ASIC4: variants seen among roughly 807,000 people sequenced by gnomAD.
ASIC4 encodes acid-sensing ion channel 4.
In ASIC4, 28 loss-of-function variants were observed where a neutral mutation model predicts 53.4. The observed-to-expected ratio is 0.52, with a 90% confidence interval of 0.39 to 0.72. The LOEUF is 0.72. ASIC4 is among the 30% of genes least tolerant of loss of function. The pLI, the probability that ASIC4 is intolerant of heterozygous loss-of-function variation, is 0.00. For synonymous variants in ASIC4, 289 were observed against 301.4 expected (o/e 0.96, Z 0.43); for missense variants, 649 against 729.7 (o/e 0.89, Z 1.27).
rs776034447 is a variant in ASIC4 at position 219,536,215 on chromosome 2, AC to A, written c.1230-850del. Among the ~76,000 whole-genome samples the A allele has an allele frequency of 4.6e-5, 7 of 152,206 alleles. No individual in the cohort carries two copies. The highest frequency in any genetic ancestry group is 7.3e-5 in the Non-Finnish European group (5 of 68,038). The stretch of plus-strand genomic sequence containing the variant: ...AGATCTCTGTCATTACACATATGCC[AC>A]ATTTCAGAGTGCTTTGCTTATGCAT... On this transcript the variant is annotated intron_variant, in intron 6 of 9. Coordinates refer to ENST00000358078, the MANE Select transcript of ASIC4 (RefSeq NM_018674.6). The surrounding 1 kb of genome is among the most constrained non-coding windows in gnomAD (Gnocchi z 4.6).
upstream of ASIC4, among the ~76,000 whole-genome samples, chr2:219,512,836 G>T (rs887037976): frequency 6.6e-6 from 1 of 152,242 alleles, no homozygotes; most frequent in Non-Finnish European, 1.5e-5. Context: ...AAGCCACTTT[G>T]CCTAAAGGCT....
chr2:219,519,805 T>A (rs1694857710), intron 1 of ASIC4, among the ~76,000 whole-genome samples: 1 of 151,832 alleles, frequency 6.6e-6, no homozygotes, highest in African/African-American at 2.4e-5. Context: ...ATATAAAGGG[T>A]AGCTGCGGGC....
At chr2:219,524,634 A>G (rs367966280) in intron 1 of ASIC4, among the ~76,000 whole-genome samples, 10 of 152,246 alleles carry the variant, frequency 6.6e-5, no homozygotes, top group African/African-American at 2.4e-4. Context: ...GCCATTTTAC[A>G]GATGAAAAAT....
rs1695171578 is a variant in ASIC4 at position 219,537,886 on chromosome 2, C to T, written c.1507-47C>T. The T allele has an allele frequency of 2.0e-6, 3 of 1,521,744 alleles. No homozygotes were observed. The highest frequency in any genetic ancestry group is 2.7e-6 in the Non-Finnish European group (3 of 1,115,864). 94.3% of individuals were successfully genotyped at this position (1,521,744 alleles called of 1,614,324 possible). A position where few individuals can be genotyped will look rare whatever the true frequency, so the allele number is the denominator to read the frequency against. ...GCTGGCGGTGTGAGCCCTGGGGGCACCACTTGAGCTCTCCCGGTCCCACTC... is the reference window on the plus strand; with the variant it reads ...GCTGGCGGTGTGAGCCCTGGGGGCATCACTTGAGCTCTCCCGGTCCCACTC... On this transcript the variant is annotated intron_variant, in intron 9 of 9. Coordinates refer to ENST00000358078, the MANE Select transcript of ASIC4 (RefSeq NM_018674.6). The surrounding 1 kb of genome is among the most constrained non-coding windows in gnomAD (Gnocchi z 4.9).
chr2:219,537,936 C>T lies in ASIC4; in HGVS notation c.1510C>T (p.Pro504Ser). The T allele has an allele frequency of 6.2e-7, 1 of 1,605,870 alleles. No individual in the cohort carries two copies. Among genetic ancestry groups the T allele is most frequent in the Non-Finnish European group, 8.5e-7 (1 of 1,175,870 alleles). ...CTCTCTTTTCTTTCTCCTGCAGAGTCCCTGCCCGAGCCGGGGCCGAGTGGA... is the reference window on the plus strand; with the variant it reads ...CTCTCTTTTCTTTCTCCTGCAGAGTTCCTGCCCGAGCCGGGGCCGAGTGGA... ...LGLQELKEQSPCPSRGRVEGG... is the reference protein window; with the variant it reads ...LGLQELKEQSSCPSRGRVEGG... The change falls in exon 10 of 10, where the codon CCC (proline) becomes TCC (serine). Residue 504 changes from proline to serine, a missense_variant. By Grantham distance (74) the Pro-to-Ser change is moderately conservative. Coordinates refer to ENST00000358078, the MANE Select transcript of ASIC4 (RefSeq NM_018674.6). The surrounding 1 kb of genome is among the most constrained non-coding windows in gnomAD (Gnocchi z 4.9).
Position 219,518,083 on chromosome 2 carries a change from ATCAG to A in ASIC4, c.582+2785_582+2788del, listed in dbSNP as rs1395988988. On this transcript the variant is annotated intron_variant, in intron 1 of 9. Transcript: ENST00000358078. The surrounding 1 kb of genome is among the most constrained non-coding windows in gnomAD (Gnocchi z 4.8). ...CCTAATATCCCTTCATGCACTCCCA[ATCAG>A]TCAGTCAATCAATCAACATGGAGTT... 1.3e-5 allele frequency among the ~76,000 whole-genome samples: 2 copies of A among 152,030 alleles called. No homozygotes were observed. The highest frequency in any genetic ancestry group is 6.6e-5 in the Admixed American group (1 of 15,266).
At chr2:219,535,117 C>T (rs1695106295) in intron 5 of ASIC4, 54 bp from the exon 6 acceptor site, 1 of 1,567,910 alleles carries the variant, frequency 6.4e-7, no homozygotes, top group Non-Finnish European at 8.6e-7. Flanking sequence ...AGCTGGTGGG[C>T]CACTGGACCA....
rs928612320 is a variant in ASIC4, at chr2:219,532,681, T to G, written c.1019-202T>G. The G allele has an allele frequency of 8.4e-6, 7 of 830,888 alleles. No individual in the cohort carries two copies. The Admixed American group carries it at 8.5e-5, about 10-fold the overall frequency. The allele number at this position is 830,888 out of a possible 1,614,324, so 51.5% of individuals were successfully genotyped here. Reference sequence around the variant, plus strand: ...GAATGCCGGCATGCAGATGCCTGTGTGCATGTTAATATGTATTTGTGTACG... The same window carrying G: ...GAATGCCGGCATGCAGATGCCTGTGGGCATGTTAATATGTATTTGTGTACG... On this transcript the variant is annotated intron_variant, in intron 4 of 9. Transcript: ENST00000358078.
Position 219,514,955 on chromosome 2 carries a change from G to A in ASIC4, c.231G>A (p.Ser77=), listed in dbSNP as rs748721762. The A allele has an allele frequency of 9.9e-6, 16 of 1,613,004 alleles. No homozygotes were observed. The Admixed American group carries it at 1.3e-4, about 13-fold the overall frequency. ...RTLWALALLT[S]LAAFLYQAAG... The stretch of plus-strand genomic sequence containing the variant: ...TGTGGGCACTGGCCCTACTCACCTC[G>A]CTGGCTGCCTTCCTGTACCAGGCGG... The change falls in exon 1 of 10, where the codon TCG becomes TCA. Residue 77 remains serine, a synonymous_variant. Transcript: ENST00000358078.
rs781507161 is a variant in ASIC4 at position 219,535,341 on chromosome 2, G to A, written c.1229+17G>A. On this transcript the variant is annotated intron_variant, in intron 6 of 9. Transcript: ENST00000358078. ...CTACATACGGTATGTGTGTGTGTGT[G>A]TGGGGGGTGGCTGTGTGACTCTGTG... 1.2e-5 allele frequency: 18 copies of A among 1,534,378 alleles called. No individual in the cohort carries two copies. Among genetic ancestry groups the A allele is most frequent in the Middle Eastern group, 4.3e-4 (2 of 4,654 alleles).
At chr2:219,535,081 G>A (rs1695105756) in intron 5 of ASIC4, 90 bp from the exon 6 acceptor site, 1 of 1,519,198 alleles carries the variant, frequency 6.6e-7, no homozygotes, top group African/African-American at 1.4e-5. Flanking sequence ...GCCTGCCTCA[G>A]GACGGCCCCT....
chr2:219,507,312 A>G, the ASIC4 span, among the ~76,000 whole-genome samples: 1 of 152,228 alleles, frequency 6.6e-6, no homozygotes, highest in Non-Finnish European at 1.5e-5. Context: ...GTTGGGCAGC[A>G]GGCAGAGGAA....
rs1559120312 is a variant in ASIC4 at position 219,535,322 on chromosome 2, AC to A, written c.1228del (p.Arg410GlyfsTer7). 1.9e-6 allele frequency: 3 copies of A among 1,580,518 alleles called. No individual in the cohort carries two copies. On this transcript the variant is annotated frameshift_variant and splice_region_variant, in exon 6 of 10. Transcript: ENST00000358078. LOFTEE classifies it high-confidence loss of function. ...AGTACAACCGCAACGAGACCTACAT[AC>A]GGTATGTGTGTGTGTGTGTGGGGGG... The part of the protein sequence containing the change: ...RKYNRNETYI[R>X]ENFLVLDVFF...
At chr2:219,510,200 C>T (rs901390649), upstream of ASIC4, among the ~76,000 whole-genome samples, 3 of 151,904 alleles carry the variant, frequency 2.0e-5, no homozygotes, top group Admixed American at 2.0e-4. The surrounding 1 kb of genome is among the most constrained non-coding windows in gnomAD (Gnocchi z 5.2). Flanking sequence ...CCCTGCCCCA[C>T]CCCCCAATTC....
chr2:219,524,558 G>A lies in ASIC4; in HGVS notation c.583-7200G>A, dbSNP rs146331937. ...AGGTAAGCACTAAGTAAATATTAGT[G>A]GTTGCTATGATTTACGTACATTCTG... is the stretch of plus-strand genomic sequence containing the variant. On this transcript the variant is annotated intron_variant, in intron 1 of 9. Transcript: ENST00000358078. Among the ~76,000 whole-genome samples, 1,496 of 152,322 alleles carry A rather than the reference G, an allele frequency of 9.8e-3. 27 individuals carry two copies. The highest frequency in any genetic ancestry group is 0.034 in the African/African-American group (1,420 of 41,560).
chr2:219,535,445 A>C lies in ASIC4; in HGVS notation c.1229+121A>C, dbSNP rs1214697133. Reference sequence around the variant, plus strand: ...TGTATGTGTGTATGTGTTTGTGTGTATGTGGGTGTGGGTGTGTATGTGTGT... The same window carrying C: ...TGTATGTGTGTATGTGTTTGTGTGTCTGTGGGTGTGGGTGTGTATGTGTGT... On this transcript the variant is annotated intron_variant, in intron 6 of 9. Coordinates refer to ENST00000358078, the MANE Select transcript of ASIC4 (RefSeq NM_018674.6). 4.7e-6 allele frequency: 5 copies of C among 1,060,338 alleles called. No individual in the cohort carries two copies. The Admixed American group carries it at 1.2e-4, about 24-fold the overall frequency. The allele number at this position is 1,060,338 out of a possible 1,614,324, so 65.7% of individuals were successfully genotyped here.
At chr2:219,515,350 G>C (rs1321141678) in intron 1 of ASIC4, 44 bp downstream of exon 1, 2 of 1,574,118 alleles carry the variant, frequency 1.3e-6, no homozygotes, top group Admixed American at 3.4e-5. Flanking sequence ...ATGGCCGGAG[G>C]CTGGGGAGTG....
In ASIC4 at chr2:219,537,928, T is replaced by C. The variant is rs748339193; in HGVS notation, c.1507-5T>C. 4.4e-5 allele frequency: 70 copies of C among 1,599,550 alleles called. No homozygotes were observed. Among genetic ancestry groups the C allele is most frequent in the Non-Finnish European group, 5.7e-5 (67 of 1,172,088 alleles). On this transcript the variant is annotated splice_polypyrimidine_tract_variant and splice_region_variant and intron_variant, in intron 9 of 9. Transcript: ENST00000358078. The surrounding 1 kb of genome is among the most constrained non-coding windows in gnomAD (Gnocchi z 4.9). ...GTCCCACTCTCTCTTTTCTTTCTCC[T>C]GCAGAGTCCCTGCCCGAGCCGGGGC...
At chr2:219,526,904 G>A (rs1011412257) in intron 1 of ASIC4, among the ~76,000 whole-genome samples, 1 of 152,314 alleles carries the variant, frequency 6.6e-6, no homozygotes, top group South Asian at 2.1e-4. Flanking sequence ...GACCAAAGGA[G>A]GACATGGGGG....
Sources: allele counts gnomAD v4.1 joint callset (sites outside exome capture counted in the v4.1 genomes callset), GRCh38; gene constraint gnomAD v4.1.1; non-coding constraint Gnocchi (gnomAD v3.1); transcripts MANE v1.5; gene names NCBI Gene and HGNC (gene_info 2026-07-23, HGNC 2026-07-21).